The following NLK variants were observed in gnomAD, a reference collection of about 807,000 sequenced individuals.
NLK encodes the protein serine/threonine-protein kinase NLK.
NLK carries 11 observed loss-of-function variants against 59.0 expected under a neutral mutation model. That is an observed-to-expected ratio of 0.19 (90% confidence interval 0.12 to 0.31). The LOEUF is 0.31. Ranked by LOEUF, NLK falls within the 10% of genes least tolerant of loss-of-function variation. The pLI, the probability that NLK is intolerant of heterozygous loss-of-function variation, is 1.00. For synonymous variants in NLK, 235 were observed against 235.9 expected, an observed-to-expected ratio of 1.00 and a Z score of 0.03; for missense variants, 410 against 661.1, an observed-to-expected ratio of 0.62 and a Z score of 4.16.
At chr17:28,096,506 G>A (rs1361758870) in intron 1 of NLK, among the ~76,000 whole-genome samples, 1 of 152,036 alleles carries the variant, frequency 6.6e-6, no homozygotes, top group Non-Finnish European at 1.5e-5. Flanking sequence ...GGCTATAATT[G>A]AAGGAATATT....
chr17:28,193,886 C>A (rs1418342385), intron 10 of NLK, among the ~76,000 whole-genome samples: 2 of 152,084 alleles, frequency 1.3e-5, no homozygotes, highest in Admixed American at 1.3e-4. Flanking sequence ...AGTCAGTGAC[C>A]CAGTCAGTTA....
At chr17:28,142,068 T>G (rs1907021097) in intron 3 of NLK, among the ~76,000 whole-genome samples, 1 of 152,214 alleles carries the variant, frequency 6.6e-6, no homozygotes, top group Admixed American at 6.5e-5. Flanking sequence ...AGCTGAAGTT[T>G]AAAATAACAT....
chr17:28,121,495 CTTTTTTTT>C (rs58647578), intron 1 of NLK, among the ~76,000 whole-genome samples: 1 of 72,290 alleles, frequency 1.4e-5, no homozygotes, highest in African/African-American at 5.8e-5. Flanking sequence ...TCTTTCTTTT[CTTTTTTTT>C]TTTTTTTTTT....
chr17:28,155,313 C>T (rs1212226193), intron 3 of NLK, among the ~76,000 whole-genome samples: 8 of 152,088 alleles, frequency 5.3e-5, no homozygotes, highest in South Asian at 2.1e-4. Context: ...GAAATAGGAA[C>T]GCTTTTACAC....
chr17:28,199,039 T>C (rs1182821489), downstream of NLK, among the ~76,000 whole-genome samples: 1 of 152,220 alleles, frequency 6.6e-6, no homozygotes, highest in African/African-American at 2.4e-5. Flanking sequence ...CCTTTCCCAA[T>C]AGAAAGTAAA....
intron 1 of NLK, among the ~76,000 whole-genome samples, chr17:28,055,016 A>G (rs1393340000): frequency 6.6e-6 from 1 of 151,760 alleles, no homozygotes; most frequent in Non-Finnish European, 1.5e-5. Flanking sequence ...ATCTCTATGT[A>G]CCTCATGGTC....
At chr17:28,104,952 C>T (rs1905027264) in intron 1 of NLK, among the ~76,000 whole-genome samples, 1 of 152,162 alleles carries the variant, frequency 6.6e-6, no homozygotes, top group East Asian at 1.9e-4. Context: ...CCCAAACTCC[C>T]ACACTGAAAC....
At chr17:28,098,337 A>T (rs1413813090) in intron 1 of NLK, among the ~76,000 whole-genome samples, 1 of 152,248 alleles carries the variant, frequency 6.6e-6, no homozygotes, top group Non-Finnish European at 1.5e-5. Context: ...GGGTAGCCTC[A>T]TATACCCAAG....
Position 28,191,060 on chromosome 17 carries a change from T to C in NLK, c.1276T>C (p.Tyr426His). ...CGCTAAGGATGCCTTAGCCCACCCC[T>C]ACCTAGATGAAGGGCGACTACGATA... ...ISAKDALAHP[Y>H]LDEGRLRYHT... is the part of the protein sequence containing the mutation. The change falls in exon 9 of 11, where the codon TAC becomes CAC. Residue 426 changes from tyrosine (Y) to histidine (H), a missense_variant. Around this residue, in one of 5 missense-constraint regions of NLK, gnomAD observed 150 missense variants for 244.3 expected, o/e 0.61. Coordinates refer to ENST00000407008, the MANE Select transcript of NLK (RefSeq NM_016231.5). The C allele has an allele frequency of 1.2e-6, 2 of 1,611,970 alleles. No homozygotes were observed. The highest frequency in any genetic ancestry group is 1.7e-5 in the Admixed American group (1 of 59,538).
intron 1 of NLK, among the ~76,000 whole-genome samples, chr17:28,098,675 CTTTTTT>C (rs781294029): frequency 1.5e-5 from 1 of 67,564 alleles, no homozygotes; most frequent in Non-Finnish European, 2.9e-5. Flanking sequence ...CATTACCATT[CTTTTTT>C]TTTTTTTTTT....
chr17:28,127,334 TC>T (rs1281114721), intron 2 of NLK, among the ~76,000 whole-genome samples: 4 of 152,328 alleles, frequency 2.6e-5, no homozygotes, highest in Admixed American at 2.6e-4. Context: ...CTGACCTAAC[TC>T]ATACAACACC....
Position 28,044,265 on chromosome 17 carries a change from T to C in NLK, c.458+934T>C, listed in dbSNP as rs548929867. On this transcript the variant is annotated intron_variant, in intron 1 of 10. Transcript: ENST00000407008. ...TTCTCCCAAGGACTAATGATTCCAC[T>C]TTGGATAGATGAATTGATATTTTCA... Among the ~76,000 whole-genome samples, 3 of 152,306 alleles carry C rather than the reference T, an allele frequency of 2.0e-5. No homozygotes were observed. In the East Asian group the frequency reaches 5.8e-4, roughly 29 times the overall value.
In NLK at chr17:28,114,895, A is replaced by G. The variant is rs912957781; in HGVS notation, c.459-7708A>G. 1.8e-4 allele frequency among the ~76,000 whole-genome samples: 27 copies of G among 152,246 alleles called. 1 individual carries two copies. The highest frequency in any genetic ancestry group is 3.7e-4 in the Non-Finnish European group (25 of 68,036). On this transcript the variant is annotated intron_variant, in intron 1 of 10. Transcript: ENST00000407008. ...AATATGGAAAAAATGTTAATTAGGT[A>G]TAAAGTTGTCAAGTAGATAACTAAA...
At position 28,111,903 on chromosome 17, in the gene NLK, GT is replaced by G. The variant is rs1468057999; in HGVS notation, c.459-10699del. ...GTGTGTGTGTGTGTGTGTGGTGTGT[GT>G]GTGTGTGTGTGTGTGTGTGTGTGTG... On this transcript the variant is annotated intron_variant, in intron 1 of 10. Transcript: ENST00000407008. Among the ~76,000 whole-genome samples, 609 of 89,038 alleles carry G rather than the reference GT, an allele frequency of 6.8e-3. 1 individual carries two copies. The highest frequency in any genetic ancestry group is 0.011 in the Non-Finnish European group (420 of 39,840). The allele number at this position is 89,038 out of a possible 152,430, so 58.4% of individuals were successfully genotyped here. A position where few individuals can be genotyped will look rare whatever the true frequency, so the allele number is the denominator to read the frequency against.
chr17:28,205,753 T>C, the NLK span, among the ~76,000 whole-genome samples: 4 of 152,192 alleles, frequency 2.6e-5, no homozygotes, highest in Admixed American at 2.6e-4. Flanking sequence ...AAAAAATCCA[T>C]GTATAAATGA....
At chr17:28,186,533 A>G (rs1380017746) in intron 8 of NLK, among the ~76,000 whole-genome samples, 4 of 152,226 alleles carry the variant, frequency 2.6e-5, no homozygotes, top group African/African-American at 4.8e-5. Context: ...TACAAAAGAA[A>G]GAGGTTTAAT....
chr17:28,099,552 A>G (rs1161924047), intron 1 of NLK, among the ~76,000 whole-genome samples: 1 of 147,054 alleles, frequency 6.8e-6, no homozygotes, highest in Middle Eastern at 3.2e-3. Flanking sequence ...TATTGTAAAT[A>G]GTCTTTTGTG....
Position 28,191,058 on chromosome 17 carries a change from C to A in NLK, c.1274C>A (p.Pro425His), listed in dbSNP as rs1296475275. Residue 425 changes from proline to histidine, a missense_variant, in exon 9 of 11, where the codon CCC becomes CAC. Coordinates refer to ENST00000407008, the MANE Select transcript of NLK (RefSeq NM_016231.5). ...TCCGCTAAGGATGCCTTAGCCCACCCCTACCTAGATGAAGGGCGACTACGA... is the reference window on the plus strand; with the variant it reads ...TCCGCTAAGGATGCCTTAGCCCACCACTACCTAGATGAAGGGCGACTACGA... Reference protein sequence around the residue: ...RISAKDALAHPYLDEGRLRYH... With the variant: ...RISAKDALAHHYLDEGRLRYH... 1 of 1,611,642 alleles carries A rather than the reference C, an allele frequency of 6.2e-7. No homozygotes were observed. Among genetic ancestry groups the A allele is most frequent in the Non-Finnish European group, 8.5e-7 (1 of 1,179,098 alleles).
At chr17:28,101,293 T>G (rs565362584) in intron 1 of NLK, among the ~76,000 whole-genome samples, 1 of 152,314 alleles carries the variant, frequency 6.6e-6, no homozygotes, top group South Asian at 2.1e-4. Context: ...AATCAGCTGT[T>G]GCTTTCTTCA....
Sources: gnomAD v4.1 joint callset for allele counts (sites outside exome capture counted in the v4.1 genomes callset) on GRCh38, gnomAD v4.1.1 for gene constraint, gnomAD v4.1.1 regional missense constraint, MANE v1.5 for transcripts, NCBI Gene and HGNC (gene_info 2026-07-23, HGNC 2026-07-21) for gene names.